The following IL1RAPL1 variants were observed in gnomAD, a reference collection of about 807,000 sequenced individuals.
IL1RAPL1 encodes the protein interleukin 1 receptor accessory protein like 1.
In IL1RAPL1, 3 loss-of-function variants were observed where a neutral mutation model predicts 48.4. That is an observed-to-expected ratio of 0.06 (90% confidence interval 0.03 to 0.16). The LOEUF is 0.16. IL1RAPL1 is among the 10% of genes least tolerant of loss of function. The pLI, the probability that IL1RAPL1 is intolerant of heterozygous loss-of-function variation, is 1.00. For synonymous variants in IL1RAPL1, 185 were observed against 187.7 expected (o/e 0.99, Z 0.12); for missense variants, 349 against 530.6 (o/e 0.66, Z 3.36).
chrX:29,887,104 C>G (rs766992953), intron 6 of IL1RAPL1, among the ~76,000 whole-genome samples: 4 of 111,819 alleles, frequency 3.6e-5, no homozygotes, highest in African/African-American at 1.3e-4. Flanking sequence ...CAAGAAAATA[C>G]TTCTTCAGCA....
rs759935110 is a variant in IL1RAPL1, at chrX:29,049,504, C to A, written c.83-233434C>A. Among the ~76,000 whole-genome samples, 7 of 111,617 alleles carry A rather than the reference C, an allele frequency of 6.3e-5. No individual in the cohort carries two copies. The South Asian group carries it at 2.2e-3, about 36-fold the overall frequency. ...GCAATGGAACCGTGAAGATAGGGAG[C>A]CCTGACCCTTTCATTTTCTGTTCCG... is the stretch of plus-strand genomic sequence containing the variant. On this transcript the variant is annotated intron_variant, in intron 2 of 10. Transcript: ENST00000378993.
intron 5 of IL1RAPL1, among the ~76,000 whole-genome samples, chrX:29,439,989 ACGTG>A (rs1203421483): frequency 1.1e-4 from 2 of 18,236 alleles, no homozygotes; most frequent in African/African-American, 2.7e-4. Flanking sequence ...TCAATTTGAC[ACGTG>A]TGTGTGTGTG....
intron 5 of IL1RAPL1, among the ~76,000 whole-genome samples, chrX:29,649,721 C>T (rs191423437): frequency 1.1e-3 from 127 of 111,395 alleles, no homozygotes; most frequent in African/African-American, 3.8e-3. Flanking sequence ...TCCACTTTCA[C>T]TACTTCTATT....
chrX:28,757,625 A>G (rs1423602619), intron 1 of IL1RAPL1, among the ~76,000 whole-genome samples: 1 of 111,343 alleles, frequency 9.0e-6, no homozygotes, highest in Non-Finnish European at 1.9e-5. Flanking sequence ...TTAAAGGGAT[A>G]CCTCCACCTT....
chrX:29,010,378 G>A (rs947423942), intron 2 of IL1RAPL1, among the ~76,000 whole-genome samples: 5 of 111,504 alleles, frequency 4.5e-5, no homozygotes, highest in African/African-American at 1.6e-4. Flanking sequence ...GTTGACTGTA[G>A]GTTTGTCATA....
chrX:28,799,939 A>G (rs1034968626), intron 2 of IL1RAPL1, among the ~76,000 whole-genome samples: 4 of 111,570 alleles, frequency 3.6e-5, no homozygotes, highest in African/African-American at 6.5e-5. Flanking sequence ...GAGCTAATGG[A>G]TTTATTGGTC....
intron 1 of IL1RAPL1, among the ~76,000 whole-genome samples, chrX:28,607,652 C>CT (rs764085973): frequency 9.0e-6 from 1 of 111,049 alleles, no homozygotes; most frequent in South Asian, 3.8e-4. Context: ...GAAAGAATCA[C>CT]TTTTTTTCAA....
At chrX:29,738,788 G>A (rs1928122383) in intron 6 of IL1RAPL1, among the ~76,000 whole-genome samples, 2 of 111,866 alleles carry the variant, frequency 1.8e-5, no homozygotes, top group Middle Eastern at 4.7e-3. Context: ...TTCCCAATGC[G>A]CAGAATCCGG....
At chrX:28,751,840 GT>G (rs910545649) in intron 1 of IL1RAPL1, among the ~76,000 whole-genome samples, 1 of 110,602 alleles carries the variant, frequency 9.0e-6, no homozygotes, top group African/African-American at 3.3e-5. Context: ...TGTACAAGTG[GT>G]TTTTTTTTGG....
chrX:29,214,580 A>G (rs746659142), intron 2 of IL1RAPL1, among the ~76,000 whole-genome samples: 1 of 111,982 alleles, frequency 8.9e-6, no homozygotes, highest in Non-Finnish European at 1.9e-5. Context: ...TCACTACTCA[A>G]AAAATCTTTT....
chrX:28,946,256 C>T (rs372422214), intron 2 of IL1RAPL1, among the ~76,000 whole-genome samples: 1 of 110,466 alleles, frequency 9.1e-6, no homozygotes, highest in South Asian at 3.8e-4. Flanking sequence ...ATCTTTCTGT[C>T]TACAATAACT....
intron 2 of IL1RAPL1, among the ~76,000 whole-genome samples, chrX:29,056,116 A>C (rs1184363747): frequency 1.8e-5 from 2 of 111,945 alleles, no homozygotes; most frequent in Non-Finnish European, 3.8e-5. Flanking sequence ...TTTTGCTAAA[A>C]ATTGATACCT....
intron 6 of IL1RAPL1, among the ~76,000 whole-genome samples, chrX:29,672,836 C>T (rs756686400): frequency 1.3e-4 from 14 of 111,968 alleles, no homozygotes; most frequent in Non-Finnish European, 1.7e-4. Flanking sequence ...AATTTATTCT[C>T]ATTGTTAAGC....
At chrX:29,056,339 T>A (rs1339410085) in intron 2 of IL1RAPL1, among the ~76,000 whole-genome samples, 1 of 111,476 alleles carries the variant, frequency 9.0e-6, no homozygotes, top group Non-Finnish European at 1.9e-5. Context: ...AGATCTCTTG[T>A]TTTATTTATT....
chrX:28,871,291 G>T (rs931160871), intron 2 of IL1RAPL1, among the ~76,000 whole-genome samples: 2 of 111,932 alleles, frequency 1.8e-5, no homozygotes, highest in African/African-American at 6.5e-5. Flanking sequence ...AATGCAATGA[G>T]ATAACATAGA....
At chrX:29,365,185 G>T (rs1343349900) in intron 3 of IL1RAPL1, among the ~76,000 whole-genome samples, 2 of 111,371 alleles carry the variant, frequency 1.8e-5, no homozygotes, top group African/African-American at 3.3e-5. Context: ...GGCAGAGAAG[G>T]TGAAAGGAGT....
At chrX:29,087,984 T>C (rs1413194008) in intron 2 of IL1RAPL1, among the ~76,000 whole-genome samples, 4 of 112,355 alleles carry the variant, frequency 3.6e-5, no homozygotes, top group Non-Finnish European at 7.5e-5. Context: ...CAGTGAGCCA[T>C]GATTGTGCCA....
intron 8 of IL1RAPL1, among the ~76,000 whole-genome samples, chrX:29,929,878 C>T (rs766413481): frequency 9.0e-6 from 1 of 111,422 alleles, no homozygotes; most frequent in Admixed American, 9.6e-5. Flanking sequence ...TTCTAATTCT[C>T]CCCAAACAAA....
At chrX:29,748,741 C>G (rs1206219221) in intron 6 of IL1RAPL1, among the ~76,000 whole-genome samples, 3 of 107,738 alleles carry the variant, frequency 2.8e-5, no homozygotes, top group African/African-American at 6.9e-5. Context: ...TTGTTAAAAT[C>G]TAAAATATGA....
Sources: allele counts gnomAD v4.1 joint callset (sites outside exome capture counted in the v4.1 genomes callset), GRCh38; gene constraint gnomAD v4.1.1; transcripts MANE v1.5; gene names NCBI Gene and HGNC (gene_info 2026-07-23, HGNC 2026-07-21).